CDH13: variants seen among roughly 807,000 people sequenced by gnomAD.
CDH13 encodes the protein cadherin 13.
CDH13 carries 24 observed loss-of-function variants against 63.8 expected under a neutral mutation model. That is an observed-to-expected ratio of 0.38 (90% confidence interval 0.27 to 0.53). The LOEUF (loss-of-function observed/expected upper bound fraction) is 0.53. CDH13 is among the 20% of genes least tolerant of loss of function. The probability of loss-of-function intolerance (pLI) is 0.85; values close to 1 mark genes in which losing one functional copy is unlikely to be tolerated. For missense variants in CDH13, 1,049 were observed against 903.1 expected, an observed-to-expected ratio of 1.16 and a Z score of -2.07; for synonymous variants, 503 against 355.3, an observed-to-expected ratio of 1.42 and a Z score of -4.67.
chr16:83,423,585 A>G (rs1237673180), intron 6 of CDH13, among the ~76,000 whole-genome samples: 4 of 152,302 alleles, frequency 2.6e-5, no homozygotes, highest in East Asian at 1.9e-4. Context: ...CAGGTTTCCT[A>G]TTATTACCTA....
chr16:82,976,559 A>G (rs886808112), intron 2 of CDH13, among the ~76,000 whole-genome samples: 1 of 152,148 alleles, frequency 6.6e-6, no homozygotes, highest in African/African-American at 2.4e-5. Context: ...TGTGCATTAG[A>G]TAAATTATGC....
intron 7 of CDH13, among the ~76,000 whole-genome samples, chr16:83,527,516 C>T (rs190981525): frequency 2.0e-5 from 3 of 152,082 alleles, no homozygotes; most frequent in African/African-American, 7.2e-5. Context: ...CTGCGTTAAC[C>T]GCAGCACAGG....
Position 83,356,212 on chromosome 16 carries a change from ATGTGTGTGTGTGTGTG to A in CDH13, c.781+11244_781+11259del, listed in dbSNP as rs10525181. Reference sequence around the variant, plus strand: ...CAGATGAGTGAGTTTATTTATTTTCATGTGTGTGTGTGTGTGTGTGTGTGTGTGTGTGTGTGTGTGT... The same window carrying A: ...CAGATGAGTGAGTTTATTTATTTTCATGTGTGTGTGTGTGTGTGTGTGTGT... On this transcript the variant is annotated intron_variant, in intron 6 of 13. Coordinates refer to ENST00000567109, the MANE Select transcript of CDH13 (RefSeq NM_001257.5). Among the ~76,000 whole-genome samples, 239 of 138,752 alleles carry A rather than the reference ATGTGTGTGTGTGTGTG, an allele frequency of 1.7e-3. 1 individual carries two copies. Among genetic ancestry groups the A allele is most frequent in the Middle Eastern group, 7.5e-3 (2 of 266 alleles). 91.0% of individuals were successfully genotyped at this position (138,752 alleles called of 152,430 possible).
chr16:82,915,908 G>T (rs1157752914), intron 2 of CDH13, among the ~76,000 whole-genome samples: 1 of 151,032 alleles, frequency 6.6e-6, no homozygotes, highest in Non-Finnish European at 1.5e-5. Flanking sequence ...CTAACTACAG[G>T]GAAGAGATGT....
chr16:83,494,756 A>T (rs1319583270), intron 7 of CDH13, among the ~76,000 whole-genome samples: 1 of 152,208 alleles, frequency 6.6e-6, no homozygotes, highest in Non-Finnish European at 1.5e-5. Flanking sequence ...ACATGATGAC[A>T]TCTCAAAATG....
intron 5 of CDH13, among the ~76,000 whole-genome samples, chr16:83,264,774 T>C (rs1907409609): frequency 6.6e-6 from 1 of 152,032 alleles, no homozygotes; most frequent in African/African-American, 2.4e-5. Flanking sequence ...CATTTGTGTA[T>C]GCATTTCTCA....
intron 5 of CDH13, among the ~76,000 whole-genome samples, chr16:83,315,747 C>T (rs144015548): frequency 3.1e-4 from 47 of 151,878 alleles, no homozygotes; most frequent in African/African-American, 1.1e-3. Context: ...AAACAAGGCC[C>T]TTAGGTGACC....
At chr16:83,111,159 G>A (rs946880782) in intron 3 of CDH13, among the ~76,000 whole-genome samples, 3 of 144,954 alleles carry the variant, frequency 2.1e-5, no homozygotes, top group East Asian at 2.0e-4. Context: ...GCGACAGAGC[G>A]GGACTCCGTC....
chr16:82,960,260 C>T (rs1452060259), intron 2 of CDH13, among the ~76,000 whole-genome samples: 1 of 152,074 alleles, frequency 6.6e-6, no homozygotes, highest in Non-Finnish European at 1.5e-5. Context: ...ATATAATTGA[C>T]AGTTGCTGCA....
At chr16:83,072,954 G>A (rs900513889) in intron 3 of CDH13, among the ~76,000 whole-genome samples, 2 of 152,192 alleles carry the variant, frequency 1.3e-5, no homozygotes, top group African/African-American at 4.8e-5. Flanking sequence ...GATATTTTAA[G>A]ATGATGTGGC....
chr16:83,660,831 T>C (rs1163881982), intron 8 of CDH13, among the ~76,000 whole-genome samples: 1 of 152,228 alleles, frequency 6.6e-6, no homozygotes, highest in Non-Finnish European at 1.5e-5. Context: ...GATGAACAAA[T>C]GTGTTTTGCA....
intron 5 of CDH13, among the ~76,000 whole-genome samples, chr16:83,240,666 TA>T (rs1365246451): frequency 7.1e-5 from 2 of 28,052 alleles, no homozygotes; most frequent in Non-Finnish European, 1.4e-4. Flanking sequence ...TCAACTTTTT[TA>T]AATAGTAAAA....
rs187069182 is a variant in CDH13 at position 82,963,298 on chromosome 16, G to T, written c.158-68712G>T. Among the ~76,000 whole-genome samples the T allele has an allele frequency of 2.9e-4, 44 of 152,272 alleles. 1 individual carries two copies. Among genetic ancestry groups the T allele is most frequent in the African/African-American group, 1.0e-3 (42 of 41,566 alleles). On this transcript the variant is annotated intron_variant, in intron 2 of 13. Transcript: ENST00000567109. ...GGAGGCTGAGGCAGAAGAATCGCTT[G>T]AACCTGAGAGGCAGAAGTTGTGGTG...
chr16:83,205,815 G>C (rs1438416051), intron 4 of CDH13, among the ~76,000 whole-genome samples: 1 of 152,060 alleles, frequency 6.6e-6, no homozygotes, highest in African/African-American at 2.4e-5. Context: ...ATGTTGGCCA[G>C]GATGGTCTCT....
intron 1 of CDH13, among the ~76,000 whole-genome samples, chr16:82,732,044 G>C (rs1036906081): frequency 1.3e-5 from 2 of 152,050 alleles, no homozygotes; most frequent in Admixed American, 6.6e-5. Flanking sequence ...AGACTTCTTT[G>C]ATCCCTTCAG....
At chr16:83,388,224 C>T (rs1232157129) in intron 6 of CDH13, among the ~76,000 whole-genome samples, 2 of 148,784 alleles carry the variant, frequency 1.3e-5, no homozygotes, top group African/African-American at 2.5e-5. Context: ...GAGGCAAAAG[C>T]AGGCTTAAGT....
intron 5 of CDH13, among the ~76,000 whole-genome samples, chr16:83,337,229 A>G (rs891813406): frequency 1.3e-5 from 2 of 152,090 alleles, no homozygotes; most frequent in Non-Finnish European, 2.9e-5. Flanking sequence ...ATACCTGCTC[A>G]CCCAACCCCC....
chr16:83,261,420 TGGG>T (rs1017122964), intron 5 of CDH13, among the ~76,000 whole-genome samples: 6 of 152,188 alleles, frequency 3.9e-5, no homozygotes, highest in Non-Finnish European at 4.4e-5. Context: ...GTTGGGGGGT[TGGG>T]GGTGCTCCTG....
intron 7 of CDH13, among the ~76,000 whole-genome samples, chr16:83,565,060 C>G (rs1169554245): frequency 6.6e-6 from 1 of 152,174 alleles, no homozygotes; most frequent in Admixed American, 6.5e-5. Flanking sequence ...GCTTTTGAGT[C>G]TCTCCCTGCA....
Sources: allele counts gnomAD v4.1 joint callset (sites outside exome capture counted in the v4.1 genomes callset), GRCh38; gene constraint gnomAD v4.1.1; transcripts MANE v1.5; gene names NCBI Gene and HGNC (gene_info 2026-07-23, HGNC 2026-07-21).